The following TTC38 variants were observed in gnomAD, a reference collection of about 807,000 sequenced individuals.
The protein encoded by TTC38 is tetratricopeptide repeat domain 38.
TTC38 carries 64 observed loss-of-function variants against 64.2 expected under a neutral mutation model. That is an observed-to-expected ratio of 1.00 (90% CI 0.81 to 1.23). The LOEUF is 1.23. TTC38 is among the 50% of genes most tolerant of loss of function. The probability of loss-of-function intolerance (pLI) is 0.00; values close to 1 mark genes in which losing one functional copy is unlikely to be tolerated. For synonymous variants in TTC38, 254 were observed against 249.3 expected, an observed-to-expected ratio of 1.02 and a Z score of -0.18; for missense variants, 573 against 615.5, an observed-to-expected ratio of 0.93 and a Z score of 0.73.
In TTC38 at chr22:46,291,097, C is replaced by T. The variant is rs1332674497; in HGVS notation, c.1316+1198C>T. ...TGAGCTGTACAGGTTCTGTGGTACTCATGAAACAGGTCTGGCTGGCAGCAC... is the reference window on the plus strand; with the variant it reads ...TGAGCTGTACAGGTTCTGTGGTACTTATGAAACAGGTCTGGCTGGCAGCAC... On this transcript the variant is annotated intron_variant, in intron 13 of 13. Transcript: ENST00000381031. The surrounding 1 kb of genome is among the most constrained non-coding windows in gnomAD (Gnocchi z 4.6). 6.6e-6 allele frequency among the ~76,000 whole-genome samples: 1 copy of T among 152,192 alleles called. No homozygotes were observed. The highest frequency in any genetic ancestry group is 1.5e-5 in the Non-Finnish European group (1 of 68,026).
In TTC38 at chr22:46,271,380, T is replaced by C. The variant is rs1412491030; in HGVS notation, c.112-955T>C. On this transcript the variant is annotated intron_variant, in intron 2 of 13. Transcript: ENST00000381031. This position sits in a 1 kb window ranked among gnomAD's most constrained non-coding sequence, Gnocchi z 5.5. ...GGCGCCCACCACCACACCCGGCTGA[T>C]TTTTTGTATCTTTAGTAGAGACGGG... is the stretch of plus-strand genomic sequence containing the variant. 2.0e-5 allele frequency among the ~76,000 whole-genome samples: 3 copies of C among 151,860 alleles called. No homozygotes were observed. Among genetic ancestry groups the C allele is most frequent in the Admixed American group, 6.6e-5 (1 of 15,252 alleles).
intron 13 of TTC38, among the ~76,000 whole-genome samples, chr22:46,290,636 GGT>G (rs2077608741): frequency 6.8e-6 from 1 of 146,394 alleles, no homozygotes; most frequent in African/African-American, 2.7e-5. Context: ...GTGGCTGGAA[GGT>G]GTGTTAGGGT....
At position 46,268,759 on chromosome 22, in the gene TTC38, A is replaced by G. The variant is rs1936822426; in HGVS notation, c.111+168A>G. 1.6e-5 allele frequency: 10 copies of G among 632,440 alleles called. No homozygotes were observed. The South Asian group carries it at 1.9e-4, about 12-fold the overall frequency. The allele number at this position is 632,440 out of a possible 1,614,324, so 39.2% of individuals were successfully genotyped here. On this transcript the variant is annotated intron_variant, in intron 2 of 13. Transcript: ENST00000381031. ...GAGTGCAGTGGCGCTATTTCGGCTC[A>G]CTGCAAGCTTTGCCTCCCGGGTTCA...
chr22:46,285,849 C>G (rs1477847652), intron 9 of TTC38, among the ~76,000 whole-genome samples: 7 of 151,590 alleles, frequency 4.6e-5, no homozygotes, highest in Non-Finnish European at 8.8e-5. Context: ...GCTGTCTCTA[C>G]TAAAAATACA....
At chr22:46,288,346 G>T in intron 10 of TTC38, 77 bp from the exon 11 acceptor site, 1 of 1,464,554 alleles carries the variant, frequency 6.8e-7, no homozygotes, top group African/African-American at 1.4e-5. Context: ...CAAGGGAAGC[G>T]CCGTGAGGGA....
chr22:46,269,748 T>G (rs1936852598), intron 2 of TTC38, among the ~76,000 whole-genome samples: 1 of 152,186 alleles, frequency 6.6e-6, no homozygotes, highest in East Asian at 1.9e-4. Flanking sequence ...GTGTTTGACC[T>G]GGCTCACTTG....
rs752505621 is a variant in TTC38, at chr22:46,276,684, C to T, written c.539+1263C>T. The stretch of plus-strand genomic sequence containing the variant: ...ACTGCACTCAGCCTGGGCAGCAGAG[C>T]AAGACTCTGTATCTAAAAGAATATA... On this transcript the variant is annotated intron_variant, in intron 5 of 13. Transcript: ENST00000381031. The surrounding 1 kb of genome is among the most constrained non-coding windows in gnomAD (Gnocchi z 4.7). Among the ~76,000 whole-genome samples the T allele has an allele frequency of 3.1e-4, 45 of 147,518 alleles. No homozygotes were observed. Among genetic ancestry groups the T allele is most frequent in the African/African-American group, 1.1e-3 (44 of 39,872 alleles).
rs564010611 is a variant in TTC38, at chr22:46,270,917, CAGG to C, written c.112-1415_112-1413del. On this transcript the variant is annotated intron_variant, in intron 2 of 13. Coordinates refer to ENST00000381031, the MANE Select transcript of TTC38 (RefSeq NM_017931.4). The surrounding 1 kb of genome is among the most constrained non-coding windows in gnomAD (Gnocchi z 4.7). ...CTAAGGAGGGATTCTCCTACCAAGGCAGGAGAATTGCTTGAAACCTGGAGGCAG... is the reference window on the plus strand; with the variant it reads ...CTAAGGAGGGATTCTCCTACCAAGGCAGAATTGCTTGAAACCTGGAGGCAG... Among the ~76,000 whole-genome samples the C allele has an allele frequency of 1.1e-4, 17 of 150,834 alleles. No individual in the cohort carries two copies. Among genetic ancestry groups the C allele is most frequent in the African/African-American group, 3.9e-4 (16 of 40,978 alleles).
intron 9 of TTC38, 49 bp downstream of exon 9, chr22:46,285,328 G>A: frequency 1.5e-5 from 23 of 1,566,194 alleles, no homozygotes; most frequent in African/African-American, 4.0e-5. Context: ...TTTTGCCTTT[G>A]AGTCTCAAAG....
At chr22:46,290,033 G>A in intron 13 of TTC38, 134 bp downstream of exon 13, 1 of 825,978 alleles carries the variant, frequency 1.2e-6, no homozygotes, top group Non-Finnish European at 2.0e-6. Flanking sequence ...GGGAGGCTGT[G>A]GGGAATTTGG....
intron 10 of TTC38, among the ~76,000 whole-genome samples, chr22:46,287,358 T>C (rs2077579225): frequency 6.6e-6 from 1 of 152,222 alleles, no homozygotes; most frequent in South Asian, 2.1e-4. Flanking sequence ...CAGGCCACAC[T>C]ACTCTTTCTT....
chr22:46,269,082 A>G, intron 2 of TTC38: 1 of 382,878 alleles, frequency 2.6e-6, no homozygotes. Context: ...GTGGGGACAT[A>G]TCTCTGCCCC....
intron 13 of TTC38, 92 bp downstream of exon 13, chr22:46,289,991 C>CT: frequency 9.0e-7 from 1 of 1,116,164 alleles, no homozygotes; most frequent in Non-Finnish European, 1.4e-6. Context: ...ACCCTTGGCC[C>CT]GAGATGCTCC....
At chr22:46,287,249 C>A in intron 10 of TTC38, 95 bp downstream of exon 10, 2 of 1,103,856 alleles carry the variant, frequency 1.8e-6, no homozygotes, top group South Asian at 1.5e-5. Context: ...GGCAAGAGCT[C>A]ATGGGTGAGC....
chr22:46,277,991 G>A (rs143370799), intron 5 of TTC38, among the ~76,000 whole-genome samples: 47 of 152,328 alleles, frequency 3.1e-4, no homozygotes, highest in African/African-American at 1.1e-3. Context: ...GAGCAGGGCC[G>A]CTCTCCGTGC....
At chr22:46,283,097 T>TA (rs145889013) in intron 7 of TTC38, among the ~76,000 whole-genome samples, 3,871 of 151,922 alleles carry the variant, frequency 0.025, 161 homozygotes, top group African/African-American at 0.086. Flanking sequence ...CCTGGCTAAT[T>TA]AAAAAAATTT....
In TTC38 at chr22:46,282,029, G is replaced by T; in HGVS notation, c.735+311G>T. On this transcript the variant is annotated intron_variant, in intron 7 of 13. Transcript: ENST00000381031. The surrounding 1 kb of genome is among the most constrained non-coding windows in gnomAD (Gnocchi z 4.4). The stretch of plus-strand genomic sequence containing the variant: ...AGCACATGAGCTGCACCATGACGGG[G>T]ACCCTCTGTGGGATGTGGAAACGCA... The T allele has an allele frequency of 1.9e-6, 1 of 530,696 alleles. No individual in the cohort carries two copies. The highest frequency in any genetic ancestry group is 5.2e-5 in the East Asian group (1 of 19,302). 32.9% of individuals were successfully genotyped at this position (530,696 alleles called of 1,614,324 possible).
In TTC38 at chr22:46,274,662, G is replaced by C. The variant is rs944061333; in HGVS notation, c.366-586G>C. Among the ~76,000 whole-genome samples the C allele has an allele frequency of 1.3e-5, 2 of 152,130 alleles. No homozygotes were observed. Among genetic ancestry groups the C allele is most frequent in the African/African-American group, 4.8e-5 (2 of 41,420 alleles). ...TCCTGGTAAGTCAGCCCAGGTGTGG[G>C]TTCCACCTCAGAGACTTCCTGTGGC... On this transcript the variant is annotated intron_variant, in intron 4 of 13. Transcript: ENST00000381031. This position sits in a 1 kb window ranked among gnomAD's most constrained non-coding sequence, Gnocchi z 4.8.
Position 46,292,934 on chromosome 22 carries a change from C to A in TTC38, c.*50C>A. On this transcript the variant is annotated 3_prime_UTR_variant, in exon 14 of 14. Transcript: ENST00000381031. This position sits in a 1 kb window ranked among gnomAD's most constrained non-coding sequence, Gnocchi z 6.5. ...CAGAACCTCAGTGGTGGCGTCACTG[C>A]GTCCAGTCAGCTGCTCCACCGGGTT... 7.0e-7 allele frequency: 1 copy of A among 1,430,580 alleles called. No individual in the cohort carries two copies. Among genetic ancestry groups the A allele is most frequent in the Non-Finnish European group, 9.8e-7 (1 of 1,016,176 alleles). The allele number at this position is 1,430,580 out of a possible 1,614,324, so 88.6% of individuals were successfully genotyped here. A position where few individuals can be genotyped will look rare whatever the true frequency, so the allele number is the denominator to read the frequency against.
Sources: gnomAD v4.1 joint callset for allele counts (sites outside exome capture counted in the v4.1 genomes callset) on GRCh38, gnomAD v4.1.1 for gene constraint, Gnocchi (gnomAD v3.1) non-coding constraint, MANE v1.5 for transcripts, NCBI Gene and HGNC (gene_info 2026-07-23, HGNC 2026-07-21) for gene names.